Variants in PLCL2 observed in about 807,000 individuals in gnomAD.
The protein encoded by PLCL2 is inactive phospholipase C-like protein 2.
Under a neutral mutation model 79.6 loss-of-function variants are expected in PLCL2, and 4 were observed. The observed-to-expected ratio is 0.05, with a 90% CI of 0.02 to 0.11. The LOEUF (loss-of-function observed/expected upper bound fraction) is 0.11, where lower values mean the gene tolerates loss of function less well. Among genes scored for constraint, PLCL2 ranks in the 10% least tolerant of loss-of-function variants. The pLI, the probability that PLCL2 is intolerant of heterozygous loss-of-function variation, is 1.00. For missense variants in PLCL2, 895 were observed against 1,291.0 expected (o/e 0.69, Z 4.70); for synonymous variants, 484 against 457.7 (o/e 1.06, Z -0.73).
At position 17,089,890 on chromosome 3, in the gene PLCL2, C is replaced by T; in HGVS notation, c.3362C>T (p.Ala1121Val). The change falls in exon 6 of 6, where the codon GCA becomes GTA. Residue 1121 changes from alanine to valine, a missense_variant. Around this residue, in one of 6 missense-constraint regions of PLCL2, gnomAD observed 298 missense variants for 459.6 expected, o/e 0.65. Transcript: ENST00000615277. ...RRSLEVIPEK[A>V]NDETGE ...AGCTTGGAAGTCATACCCGAAAAAG[C>T]AAACGATGAAACTGGAGAATGAGGA... 1 of 1,612,864 alleles carries T rather than the reference C, an allele frequency of 6.2e-7. No homozygotes were observed. Among genetic ancestry groups the T allele is most frequent in the Non-Finnish European group, 8.5e-7 (1 of 1,179,658 alleles).
chr3:16,944,985 C>A (rs1391767564), intron 1 of PLCL2, among the ~76,000 whole-genome samples: 2 of 152,130 alleles, frequency 1.3e-5, no homozygotes, highest in African/African-American at 4.8e-5. Flanking sequence ...GTCTCGAACT[C>A]CTGACCTCAG....
chr3:16,900,721 G>A (rs1696597736), intron 1 of PLCL2, among the ~76,000 whole-genome samples: 1 of 152,118 alleles, frequency 6.6e-6, no homozygotes, highest in Admixed American at 6.5e-5. Context: ...CCGTTCGGTG[G>A]ACATCATCAG....
chr3:17,023,748 A>G (rs73153264), intron 3 of PLCL2, among the ~76,000 whole-genome samples: 20,632 of 152,174 alleles, frequency 0.14, 1,664 homozygotes, highest in African/African-American at 0.22. Flanking sequence ...TTTCAAGTCT[A>G]TCATTTTGGT....
At chr3:17,043,046 A>G (rs1381754904) in intron 4 of PLCL2, 97 bp downstream of exon 4, 2 of 785,968 alleles carry the variant, frequency 2.5e-6, no homozygotes, top group Non-Finnish European at 4.4e-6. Context: ...TATCAAGAAA[A>G]TCAAATAAGA....
At chr3:17,019,460 G>T (rs942724802) in intron 3 of PLCL2, among the ~76,000 whole-genome samples, 2 of 152,108 alleles carry the variant, frequency 1.3e-5, no homozygotes, top group African/African-American at 4.8e-5. Flanking sequence ...CACCCAAGTG[G>T]TATCTCTGTC....
intron 1 of PLCL2, among the ~76,000 whole-genome samples, chr3:16,925,800 C>T (rs1167491545): frequency 1.3e-5 from 2 of 152,076 alleles, no homozygotes; most frequent in Non-Finnish European, 2.9e-5. Flanking sequence ...TTATTTCTAC[C>T]TTTTGGCTAT....
chr3:16,930,523 T>A (rs981457760), intron 1 of PLCL2, among the ~76,000 whole-genome samples: 6 of 152,182 alleles, frequency 3.9e-5, no homozygotes, highest in Non-Finnish European at 7.3e-5. Flanking sequence ...AATGAAAGAG[T>A]TGTAGTGTAC....
In PLCL2 at chr3:17,021,353, C is replaced by T. The variant is rs558050261; in HGVS notation, c.3018+6442C>T. 5.4e-4 allele frequency among the ~76,000 whole-genome samples: 82 copies of T among 152,146 alleles called. 2 individuals are homozygous for T. In the South Asian group the frequency reaches 0.017, roughly 32 times the overall value. ...TTTGTAATGGTTCAAGTTACCAAGC[C>T]AGTGGAAGTGAAAATAAATGTTTAA... On this transcript the variant is annotated intron_variant, in intron 3 of 5. Transcript: ENST00000615277.
At chr3:17,031,445 T>C (rs187604821) in intron 3 of PLCL2, among the ~76,000 whole-genome samples, 8 of 152,300 alleles carry the variant, frequency 5.3e-5, no homozygotes, top group Admixed American at 4.6e-4. Flanking sequence ...CAGAGAATAC[T>C]TGAGCACAAG....
Position 16,954,662 on chromosome 3 carries a change from A to G in PLCL2, c.328-55012A>G, listed in dbSNP as rs531131214. Among the ~76,000 whole-genome samples the G allele has an allele frequency of 2.0e-4, 30 of 152,050 alleles. No individual in the cohort carries two copies. In the South Asian group the frequency reaches 5.4e-3, roughly 27 times the overall value. On this transcript the variant is annotated intron_variant, in intron 1 of 5. Transcript: ENST00000615277. ...CCACCAACAGTGTAAAAGTGTTCCT[A>G]TTTCTCCACATCCTCTCCAGCACCT...
intron 2 of PLCL2, among the ~76,000 whole-genome samples, chr3:17,012,751 G>C (rs1336096440): frequency 2.6e-5 from 4 of 152,318 alleles, no homozygotes; most frequent in African/African-American, 9.6e-5. Context: ...GCTAAAAGCA[G>C]TCAGTTAGGA....
intron 1 of PLCL2, among the ~76,000 whole-genome samples, chr3:16,963,064 G>A (rs906940569): frequency 1.3e-5 from 2 of 151,930 alleles, no homozygotes; most frequent in Non-Finnish European, 2.9e-5. Context: ...AAGCAGTAAG[G>A]AATAGTTTGG....
intron 2 of PLCL2, 93 bp downstream of exon 2, chr3:17,012,253 A>G: frequency 8.9e-7 from 1 of 1,126,424 alleles, no homozygotes; most frequent in Non-Finnish European, 1.2e-6. Flanking sequence ...ATAATAGTAT[A>G]TTTAAGTAGT....
rs1696224499 is a variant in PLCL2, at chr3:16,886,422, G to T, written c.327+1056G>T. Among the ~76,000 whole-genome samples the T allele has an allele frequency of 6.6e-6, 1 of 152,226 alleles. No homozygotes were observed. Among genetic ancestry groups the T allele is most frequent in the Non-Finnish European group, 1.5e-5 (1 of 68,044 alleles). ...GGCAGAACGTGCCACAGTAAAGAGA[G>T]TTGGCAGTGGTGGTATCTGAAATTT... On this transcript the variant is annotated intron_variant, in intron 1 of 5. Coordinates refer to ENST00000615277, the MANE Select transcript of PLCL2 (RefSeq NM_001144382.2). This position sits in a 1 kb window ranked among gnomAD's most constrained non-coding sequence, Gnocchi z 4.2.
chr3:16,970,651 T>A (rs1408220715), intron 1 of PLCL2, among the ~76,000 whole-genome samples: 1 of 148,076 alleles, frequency 6.8e-6, no homozygotes, highest in Non-Finnish European at 1.5e-5. Flanking sequence ...TCTTCCACAA[T>A]GGTTGAACTA....
At chr3:16,958,945 T>C (rs2124967057) in intron 1 of PLCL2, among the ~76,000 whole-genome samples, 1 of 152,326 alleles carries the variant, frequency 6.6e-6, no homozygotes. Context: ...GGATTAGTTA[T>C]CTTTGCACTC....
At chr3:16,971,370 T>G (rs2063866567) in intron 1 of PLCL2, among the ~76,000 whole-genome samples, 1 of 152,148 alleles carries the variant, frequency 6.6e-6, no homozygotes, top group African/African-American at 2.4e-5. Context: ...ATCAGATATT[T>G]GTAGATATGC....
rs1351960625 is a variant in PLCL2 at position 16,885,284 on chromosome 3, C to T, written c.245C>T (p.Ala82Val). ...AGGGGACCCCGCGGCGTTGCGCTCG[C>T]CCCGACCCCCAGCGCGGTCGTCTGT... ...PTRGPRGVAL[A>V]PTPSAVVCTL... The change falls in exon 1 of 6, where the codon GCC (alanine) becomes GTC (valine). Residue 82 changes from alanine (A) to valine (V), a missense_variant. Ala to Val is a moderately conservative substitution (Grantham distance 64, BLOSUM62 0). Coordinates refer to ENST00000615277, the MANE Select transcript of PLCL2 (RefSeq NM_001144382.2). 1 of 661,424 alleles carries T rather than the reference C, an allele frequency of 1.5e-6. No homozygotes were observed. Among genetic ancestry groups the T allele is most frequent in the East Asian group, 3.1e-5 (1 of 32,352 alleles). 41.0% of individuals were successfully genotyped at this position (661,424 alleles called of 1,614,324 possible).
rs548264069 is a variant in PLCL2 at position 17,087,391 on chromosome 3, G to T, written c.3205-2342G>T. 2.0e-5 allele frequency among the ~76,000 whole-genome samples: 3 copies of T among 152,306 alleles called. No individual in the cohort carries two copies. In the East Asian group the frequency reaches 5.8e-4, roughly 29 times the overall value. ...GAAATTTAAATGCATATTACTAAGC[G>T]AAAGAAGCCAATCCAAAAAGGCTAC... On this transcript the variant is annotated intron_variant, in intron 5 of 5. Coordinates refer to ENST00000615277, the MANE Select transcript of PLCL2 (RefSeq NM_001144382.2).
Sources: gnomAD v4.1 joint callset for allele counts (sites outside exome capture counted in the v4.1 genomes callset) on GRCh38, gnomAD v4.1.1 for gene constraint, gnomAD v4.1.1 regional missense constraint, Gnocchi (gnomAD v3.1) non-coding constraint, MANE v1.5 for transcripts, NCBI Gene and HGNC (gene_info 2026-07-23, HGNC 2026-07-21) for gene names.